The following SIRT3 variants were observed in gnomAD, a reference collection of about 807,000 sequenced individuals.
SIRT3 encodes sirtuin 3.
In SIRT3, 26 loss-of-function variants were observed where a neutral mutation model predicts 33.5. The observed-to-expected ratio is 0.78, with a 90% confidence interval of 0.57 to 1.08. SIRT3 has a LOEUF of 1.08. Among genes scored for constraint, SIRT3 ranks in the 50% least tolerant of loss-of-function variants. The pLI is 0.00. For missense variants in SIRT3, 585 were observed against 530.1 expected, an observed-to-expected ratio of 1.10 and a Z score of -1.02; for synonymous variants, 237 against 222.1, an observed-to-expected ratio of 1.07 and a Z score of -0.60.
At chr11:231,865 C>T (rs1364602094) in intron 3 of SIRT3, among the ~76,000 whole-genome samples, 1 of 34,670 alleles carries the variant, frequency 2.9e-5, no homozygotes, top group Non-Finnish European at 5.1e-5. Context: ...GCAGTCTCTC[C>T]GGGAGCCTGG....
At chr11:235,772 G>A (rs949843158) in intron 1 of SIRT3, among the ~76,000 whole-genome samples, 2 of 152,146 alleles carry the variant, frequency 1.3e-5, no homozygotes, top group Non-Finnish European at 2.9e-5. Flanking sequence ...CCCAGTACTA[G>A]GAATTTATGC....
intron 4 of SIRT3, among the ~76,000 whole-genome samples, chr11:229,306 G>T (rs1337988302): frequency 6.6e-6 from 1 of 151,186 alleles, no homozygotes; most frequent in South Asian, 2.1e-4. Flanking sequence ...TTAGCCGGGC[G>T]TGGTGGTGTG....
chr11:218,826 CTG>C lies in SIRT3; in HGVS notation c.1179+4_1179+5del. 6.2e-7 allele frequency: 1 copy of C among 1,614,218 alleles called. No homozygotes were observed. Among genetic ancestry groups the C allele is most frequent in the Non-Finnish European group, 8.5e-7 (1 of 1,180,044 alleles). ...CCCTTGGATGGTCCTCCTCAGCAGT[CTG>C]TACCTTCCCAGTTTCCCGCTGCACA... On this transcript the variant is annotated splice_donor_5th_base_variant and intron_variant, in intron 6 of 6. Transcript: ENST00000382743.
chr11:225,604 C>T (rs770228831), intron 4 of SIRT3: 1 of 149,584 alleles, frequency 6.7e-6, no homozygotes, highest in African/African-American at 2.5e-5. Flanking sequence ...AAGAAAGAAA[C>T]ACTCAATGGA....
intron 4 of SIRT3, chr11:225,604 C>G (rs770228831): frequency 2.6e-4 from 39 of 149,584 alleles, no homozygotes; most frequent in Non-Finnish European, 5.5e-4. Flanking sequence ...AAGAAAGAAA[C>G]ACTCAATGGA....
intron 4 of SIRT3, among the ~76,000 whole-genome samples, chr11:227,958 C>A (rs1178146266): frequency 1.3e-5 from 2 of 152,170 alleles, no homozygotes; most frequent in African/African-American, 4.8e-5. Flanking sequence ...CCCTTCACAT[C>A]ATTTTCCTGC....
In SIRT3 at chr11:218,977, C is replaced by T. The variant is rs1399223717; in HGVS notation, c.1034G>A (p.Arg345Gln). The T allele has an allele frequency of 2.5e-6, 4 of 1,614,044 alleles. No individual in the cohort carries two copies. The highest frequency in any genetic ancestry group is 1.1e-5 in the South Asian group (1 of 91,082). ...RSSVPRLLIN[R>Q]DLVGPLAWHP... is the part of the protein sequence containing the mutation. The stretch of plus-strand genomic sequence containing the variant: ...CCAAGCCAAGGGCCCCACCAAGTCC[C>T]GGTTGATGAGCAGTCGGGGAACTGA... Residue 345 changes from arginine to glutamine, a missense_variant, in exon 6 of 7, where the codon CGG (arginine) becomes CAG (glutamine). Transcript: ENST00000382743.
intron 4 of SIRT3, among the ~76,000 whole-genome samples, chr11:224,457 A>T (rs933287851): frequency 2.0e-5 from 3 of 152,240 alleles, no homozygotes; most frequent in Non-Finnish European, 4.4e-5. Context: ...AGCCTTTAAA[A>T]GCAAATCTTG....
At position 233,067 on chromosome 11, in the gene SIRT3, C is replaced by T. The variant is rs11246020; in HGVS notation, c.622G>A (p.Val208Ile). ...ELYPGNYKPNVTHYFLRLLHD... is the reference protein window; with the variant it reads ...ELYPGNYKPNITHYFLRLLHD... Reference sequence around the variant, plus strand: ...AGCAGCCGGAGAAAGTAGTGAGTGACGTTGGGCTTGTAGTTTCCAGGGTAC... The same window carrying T: ...AGCAGCCGGAGAAAGTAGTGAGTGATGTTGGGCTTGTAGTTTCCAGGGTAC... Residue 208 changes from valine (V) to isoleucine (I), a missense_variant, in exon 3 of 7, where the codon GTC (valine) becomes ATC (isoleucine). By Grantham distance (29) the Val-to-Ile change is conservative (BLOSUM62 3). Coordinates refer to ENST00000382743, the MANE Select transcript of SIRT3 (RefSeq NM_012239.6). The T allele has an allele frequency of 0.19, 311,940 of 1,613,830 alleles. 32,075 individuals are homozygous for T. The highest frequency in any genetic ancestry group is 0.23 in the Middle Eastern group (1,388 of 6,060).
rs552875794 is a variant in SIRT3, at chr11:220,444, A to G, written c.970-1403T>C. Reference sequence around the variant, plus strand: ...TATATTGCTAATTTATAATGACCCAATGAAAAATGGTCAAGAGGTACAAAT... The same window carrying G: ...TATATTGCTAATTTATAATGACCCAGTGAAAAATGGTCAAGAGGTACAAAT... On this transcript the variant is annotated intron_variant, in intron 5 of 6. Transcript: ENST00000382743. 2.6e-5 allele frequency among the ~76,000 whole-genome samples: 4 copies of G among 152,188 alleles called. No homozygotes were observed. The South Asian group carries it at 8.3e-4, about 32-fold the overall frequency.
At position 216,698 on chromosome 11, in the gene SIRT3, C is replaced by T; in HGVS notation, c.1200G>A (p.Ter400=). 1 of 1,614,044 alleles carries T rather than the reference C, an allele frequency of 6.2e-7. No individual in the cohort carries two copies. Among genetic ancestry groups the T allele is most frequent in the Non-Finnish European group, 8.5e-7 (1 of 1,179,942 alleles). ...ETGKLDGPDK[*] ...TTATTGTGTGGGGGCAGCCATCATC[C>T]TATTTGTCTGGTCCATCAAGCTGGA... The change falls in exon 7 of 7, where the codon TAG becomes TAA. Residue 400 remains the stop codon, a stop_retained_variant. Coordinates refer to ENST00000382743, the MANE Select transcript of SIRT3 (RefSeq NM_012239.6).
At position 236,158 on chromosome 11, in the gene SIRT3, G is replaced by A; in HGVS notation, c.171C>T (p.Arg57=). 6.4e-7 allele frequency: 1 copy of A among 1,568,016 alleles called. No individual in the cohort carries two copies. Among genetic ancestry groups the A allele is most frequent in the Non-Finnish European group, 8.6e-7 (1 of 1,158,526 alleles). Residue 57 remains arginine (R), a synonymous_variant, in exon 1 of 7, where the codon CGC becomes CGT. Transcript: ENST00000382743. ...SAGLRGSHGA[R]GEPLDPARPL... ...GGCGCGCCGGGTCCAAGGGCTCACC[G>A]CGGGCCCCATGGCTGCCTCTCAGCC...
At chr11:217,919 CTCT>C (rs1188747443) in intron 6 of SIRT3, among the ~76,000 whole-genome samples, 2 of 152,220 alleles carry the variant, frequency 1.3e-5, no homozygotes, top group Non-Finnish European at 2.9e-5. Context: ...CTTTCCCACA[CTCT>C]TCTTCTGATA....
Position 236,336 on chromosome 11 carries a change from G to A in SIRT3, c.-8C>T, listed in dbSNP as rs201683389. ...CCAACCCCAGAACGCCATGTTCCGCGCAGTCCAAGGAGTCCTCCGGACTCG... is the reference window on the plus strand; with the variant it reads ...CCAACCCCAGAACGCCATGTTCCGCACAGTCCAAGGAGTCCTCCGGACTCG... On this transcript the variant is annotated 5_prime_UTR_variant, in exon 1 of 7. Coordinates refer to ENST00000382743, the MANE Select transcript of SIRT3 (RefSeq NM_012239.6). 5.1e-6 allele frequency: 7 copies of A among 1,371,208 alleles called. No homozygotes were observed. The South Asian group carries it at 9.6e-5, about 19-fold the overall frequency. 84.9% of individuals were successfully genotyped at this position (1,371,208 alleles called of 1,614,324 possible).
intron 6 of SIRT3, among the ~76,000 whole-genome samples, chr11:217,079 T>C (rs1386321762): frequency 6.6e-6 from 1 of 152,216 alleles, no homozygotes; most frequent in Non-Finnish European, 1.5e-5. Flanking sequence ...GAAACTAGAT[T>C]ATACAGTTCA....
At position 223,796 on chromosome 11, in the gene SIRT3, A is replaced by T. The variant is rs72479380; in HGVS notation, c.969+282T>A. 2 of 991,808 alleles carry T rather than the reference A, an allele frequency of 2.0e-6. 1 individual carries two copies. Among genetic ancestry groups the T allele is most frequent in the Admixed American group, 4.4e-5 (2 of 45,276 alleles). The allele number at this position is 991,808 out of a possible 1,614,324, so 61.4% of individuals were successfully genotyped here. ...CACCAGCCCTGGAAGGGCCCATGAG[A>T]TGACTCCTGTACCCCTCCCTTCCCC... On this transcript the variant is annotated intron_variant, in intron 5 of 6. Coordinates refer to ENST00000382743, the MANE Select transcript of SIRT3 (RefSeq NM_012239.6). The surrounding 1 kb of genome is among the most constrained non-coding windows in gnomAD (Gnocchi z 4.8).
chr11:234,690 C>T, intron 1 of SIRT3, among the ~76,000 whole-genome samples: 1 of 152,194 alleles, frequency 6.6e-6, no homozygotes, highest in East Asian at 1.9e-4. Flanking sequence ...GCTGGAATTA[C>T]AGGCGTGAGC....
At position 224,091 on chromosome 11, in the gene SIRT3, C is replaced by T. The variant is rs1010377667; in HGVS notation, c.956G>A (p.Gly319Glu). ...FPMADLLLIL[G>E]TSLEVEPFAS... is the part of the protein sequence containing the mutation. Reference sequence around the variant, plus strand: ...CTGCTGACAAACCTCCAGGGAGGTCCCAAGGATGAGCAGCAGATCTGCCAT... The same window carrying T: ...CTGCTGACAAACCTCCAGGGAGGTCTCAAGGATGAGCAGCAGATCTGCCAT... Residue 319 changes from glycine (G) to glutamate (E), a missense_variant, in exon 5 of 7, where the codon GGG becomes GAG. Coordinates refer to ENST00000382743, the MANE Select transcript of SIRT3 (RefSeq NM_012239.6). 8 of 1,614,176 alleles carry T rather than the reference C, an allele frequency of 5.0e-6. No homozygotes were observed. In the African/African-American group the frequency reaches 1.1e-4, roughly 22 times the overall value.
At chr11:233,776 T>C in intron 1 of SIRT3, 1 of 488,394 alleles carries the variant, frequency 2.0e-6, no homozygotes, top group Non-Finnish European at 3.7e-6. Flanking sequence ...GGAACTGTGC[T>C]CATTTCATAA....
Sources: gnomAD v4.1 joint callset for allele counts (sites outside exome capture counted in the v4.1 genomes callset) on GRCh38, gnomAD v4.1.1 for gene constraint, Gnocchi (gnomAD v3.1) non-coding constraint, MANE v1.5 for transcripts, NCBI Gene and HGNC (gene_info 2026-07-23, HGNC 2026-07-21) for gene names.